The following EXOC6 variants were observed in gnomAD, a reference collection of about 807,000 sequenced individuals.
EXOC6 encodes the protein exocyst complex component 6.
A neutral mutation model predicts 112.5 loss-of-function variants in EXOC6; 60 were observed. That is an observed-to-expected ratio of 0.53 (90% CI 0.43 to 0.66). EXOC6 has a LOEUF of 0.66. Among genes scored for constraint, EXOC6 ranks in the 30% least tolerant of loss-of-function variants. EXOC6 has a pLI of 0.00. For synonymous variants in EXOC6, 295 were observed against 308.0 expected (o/e 0.96, Z 0.44); for missense variants, 855 against 957.1 (o/e 0.89, Z 1.41).
intron 17 of EXOC6, among the ~76,000 whole-genome samples, chr10:92,965,274 A>G (rs551179817): frequency 4.6e-5 from 7 of 152,278 alleles, no homozygotes; most frequent in African/African-American, 1.7e-4. Flanking sequence ...GTGCATGTAT[A>G]TGTTTTAAAA....
At chr10:92,975,781 G>C (rs1189459715) in intron 18 of EXOC6, among the ~76,000 whole-genome samples, 1 of 136,748 alleles carries the variant, frequency 7.3e-6, no homozygotes, top group African/African-American at 2.8e-5. Context: ...GCCCCATCCG[G>C]GAGGGAGGTG....
At chr10:93,048,755 C>CA (rs11368682) in intron 20 of EXOC6, among the ~76,000 whole-genome samples, 28,983 of 107,612 alleles carry the variant, frequency 0.27, 4,491 homozygotes, top group African/African-American at 0.42. Context: ...GACTCCGTCT[C>CA]AAAAAAAAAA....
intron 13 of EXOC6, among the ~76,000 whole-genome samples, chr10:92,944,794 CAG>C (rs540760592): frequency 0.034 from 4,879 of 144,360 alleles, 110 homozygotes; most frequent in Non-Finnish European, 0.049. Flanking sequence ...TTTTTTGAGA[CAG>C]AGTTTCGCTC....
intron 18 of EXOC6, chr10:92,987,622 A>C (rs1843060972): frequency 1.0e-6 from 1 of 985,092 alleles, no homozygotes; most frequent in Admixed American, 6.1e-5. Flanking sequence ...GACTAACAAC[A>C]ATGATCATGC....
chr10:92,934,345 C>G lies in EXOC6; in HGVS notation c.1055C>G (p.Thr352Ser). 1.3e-6 allele frequency: 2 copies of G among 1,597,198 alleles called. No homozygotes were observed. Among genetic ancestry groups the G allele is most frequent in the Non-Finnish European group, 1.7e-6 (2 of 1,173,970 alleles). The change falls in exon 11 of 22, where the codon ACC (threonine) becomes AGC (serine). Residue 352 changes from threonine (T) to serine (S), a missense_variant. By Grantham distance (58) the Thr-to-Ser change is moderately conservative (BLOSUM62 1). Around this residue, in one of 2 missense-constraint regions of EXOC6, gnomAD observed 450 missense variants for 563.5 expected, o/e 0.80. Coordinates refer to ENST00000260762, the MANE Select transcript of EXOC6 (RefSeq NM_019053.6). ...FVVEDHILHV[T>S]QGLVTRAYTD... The stretch of plus-strand genomic sequence containing the variant: ...GTAGAAGATCACATTTTACATGTGA[C>G]CCAAGGATTAGTAACCAGGGCATAC...
At chr10:93,051,412 T>G (rs1846287687) in intron 20 of EXOC6, among the ~76,000 whole-genome samples, 2 of 152,144 alleles carry the variant, frequency 1.3e-5, no homozygotes, top group Non-Finnish European at 2.9e-5. Context: ...CAGGCTTGGG[T>G]GAAGGTGCAT....
chr10:92,909,318 C>G (rs1850611714), intron 5 of EXOC6, 109 bp from the exon 6 acceptor site: 2 of 698,522 alleles, frequency 2.9e-6, no homozygotes, highest in Non-Finnish European at 4.7e-6. Context: ...TTAACTAGGA[C>G]TAGGTCCTTT....
chr10:92,880,454 T>C (rs1425526583), intron 1 of EXOC6, among the ~76,000 whole-genome samples: 2 of 152,150 alleles, frequency 1.3e-5, no homozygotes, highest in African/African-American at 4.8e-5. Flanking sequence ...AGGTTACTTT[T>C]TGGTAAAGGG....
chr10:92,896,740 G>A (rs764086685), intron 4 of EXOC6, among the ~76,000 whole-genome samples: 3 of 152,054 alleles, frequency 2.0e-5, no homozygotes, highest in Admixed American at 6.6e-5. Flanking sequence ...ATTTTTGGTA[G>A]AGGTGGGGTT....
At chr10:92,861,526 A>C (rs1326482540) in intron 1 of EXOC6, among the ~76,000 whole-genome samples, 1 of 151,906 alleles carries the variant, frequency 6.6e-6, no homozygotes, top group Non-Finnish European at 1.5e-5. Flanking sequence ...TCTCTCTGCC[A>C]TACTCACCTT....
chr10:92,899,266 A>G (rs1240123922), intron 4 of EXOC6, among the ~76,000 whole-genome samples: 2 of 152,170 alleles, frequency 1.3e-5, no homozygotes, highest in African/African-American at 4.8e-5. Context: ...ATTTCAGGGA[A>G]GAAATATTAG....
chr10:92,887,576 T>A (rs1445483075), intron 1 of EXOC6, among the ~76,000 whole-genome samples: 1 of 151,714 alleles, frequency 6.6e-6, no homozygotes, highest in African/African-American at 2.4e-5. Flanking sequence ...ATTTTGGTAT[T>A]TTTGGTAGAG....
At chr10:92,917,722 G>C (rs1851185124) in intron 7 of EXOC6, among the ~76,000 whole-genome samples, 1 of 151,992 alleles carries the variant, frequency 6.6e-6, no homozygotes, top group Non-Finnish European at 1.5e-5. Context: ...TATAGAGACA[G>C]AGGTCTCACT....
chr10:92,834,442 A>G (rs1019199742), upstream of EXOC6, among the ~76,000 whole-genome samples: 2 of 152,220 alleles, frequency 1.3e-5, no homozygotes, highest in African/African-American at 2.4e-5. Flanking sequence ...GTCTTTGAGA[A>G]ACGAGTGAAT....
intron 5 of EXOC6, among the ~76,000 whole-genome samples, chr10:92,902,849 A>T (rs781053328): frequency 1.3e-5 from 2 of 152,046 alleles, no homozygotes; most frequent in Non-Finnish European, 2.9e-5. Flanking sequence ...ATTGATATAA[A>T]TGGAATCTTC....
At chr10:93,023,303 A>C (rs1564918554) in intron 20 of EXOC6, among the ~76,000 whole-genome samples, 1 of 152,182 alleles carries the variant, frequency 6.6e-6, no homozygotes, top group Non-Finnish European at 1.5e-5. Context: ...TTAGAACCAT[A>C]TCAAAGCTGA....
At chr10:92,975,403 C>T (rs1395586472) in intron 18 of EXOC6, among the ~76,000 whole-genome samples, 5 of 148,462 alleles carry the variant, frequency 3.4e-5, no homozygotes, top group Non-Finnish European at 6.0e-5. Context: ...GGAGCCCCTC[C>T]GCCCGGCAGC....
chr10:92,860,108 C>T (rs1840920726), intron 1 of EXOC6, among the ~76,000 whole-genome samples: 1 of 152,084 alleles, frequency 6.6e-6, no homozygotes, highest in African/African-American at 2.4e-5. Context: ...GATTAAAACC[C>T]CTAATCTTCC....
chr10:93,018,523 C>G (rs2134250230), intron 20 of EXOC6, among the ~76,000 whole-genome samples: 1 of 152,162 alleles, frequency 6.6e-6, no homozygotes. Flanking sequence ...ATGCTCCTAC[C>G]CTTACCAAAA....
Sources: allele counts gnomAD v4.1 joint callset (sites outside exome capture counted in the v4.1 genomes callset), GRCh38; gene constraint gnomAD v4.1.1; regional missense constraint gnomAD v4.1.1; transcripts MANE v1.5; gene names NCBI Gene and HGNC (gene_info 2026-07-23, HGNC 2026-07-21).